The following PLBD1 variants were observed in gnomAD, a reference collection of about 807,000 sequenced individuals.
PLBD1 encodes lysosomal leucine aminopeptidase.
A neutral mutation model predicts 63.0 loss-of-function variants in PLBD1; 60 were observed. The ratio of observed to expected loss-of-function variants is 0.95; its 90% CI spans 0.77 to 1.18. The LOEUF is 1.18. Among genes scored for constraint, PLBD1 ranks in the 50% most tolerant of loss-of-function variants. The probability of loss-of-function intolerance (pLI) is 0.00; values close to 1 mark genes in which losing one functional copy is unlikely to be tolerated. For synonymous variants in PLBD1, 262 were observed against 248.0 expected, an observed-to-expected ratio of 1.06 and a Z score of -0.53; for missense variants, 598 against 677.9, an observed-to-expected ratio of 0.88 and a Z score of 1.31.
In PLBD1 at chr12:14,531,080, A is replaced by G. The variant is rs549924007; in HGVS notation, c.844+4579T>C. 94 of 152,302 alleles carry G rather than the reference A, an allele frequency of 6.2e-4. 1 individual carries two copies. Among genetic ancestry groups the G allele is most frequent in the African/African-American group, 2.2e-3 (92 of 41,552 alleles). 9.4% of individuals were successfully genotyped at this position (152,302 alleles called of 1,614,324 possible). On this transcript the variant is annotated intron_variant, in intron 6 of 10. Transcript: ENST00000240617. ...ATAAACAATTTGATTAAAAACATAT[A>G]TTTAAAAATTCATCAGTACATGTGA...
chr12:14,545,679 T>A (rs901570882), intron 2 of PLBD1, among the ~76,000 whole-genome samples: 1 of 152,242 alleles, frequency 6.6e-6, no homozygotes, highest in Non-Finnish European at 1.5e-5. Context: ...CTTCAGATAT[T>A]CTTTATCTAG....
At chr12:14,562,430 A>G (rs1945747931) in intron 1 of PLBD1, among the ~76,000 whole-genome samples, 2 of 136,312 alleles carry the variant, frequency 1.5e-5, no homozygotes. Flanking sequence ...ACTGCGGTCC[A>G]GCCTGAGTGA....
chr12:14,535,698 CTT>C lies in PLBD1; in HGVS notation c.803_804del (p.Lys268ArgfsTer5). 6.2e-7 allele frequency: 1 copy of C among 1,614,034 alleles called. No homozygotes were observed. The highest frequency in any genetic ancestry group is 8.5e-7 in the Non-Finnish European group (1 of 1,179,930). On this transcript the variant is annotated frameshift_variant, in exon 6 of 11. Transcript: ENST00000240617. LOFTEE classifies it high-confidence loss of function. ...YKHWDFNVID[K>X]DTSSSRLSFS... ...AAAGAGAGGCGACTACTGCTGGTAT[CTT>C]TATCTATGACGTTGAAGTCCCAGTG...
intron 1 of PLBD1, among the ~76,000 whole-genome samples, chr12:14,557,532 C>T (rs1189243155): frequency 2.0e-5 from 3 of 152,114 alleles, no homozygotes; most frequent in Non-Finnish European, 4.4e-5. Flanking sequence ...GAGCTGGAGG[C>T]CATTATCCTG....
intron 10 of PLBD1, 80 bp from the exon 11 acceptor site, chr12:14,504,034 CACT>C (rs1945228128): frequency 7.5e-7 from 1 of 1,334,178 alleles, no homozygotes; most frequent in East Asian, 2.4e-5. Context: ...CCCACTCTCC[CACT>C]ACCAAAGTCA....
chr12:14,515,416 A>C (rs1945329734), intron 6 of PLBD1, among the ~76,000 whole-genome samples: 1 of 152,132 alleles, frequency 6.6e-6, no homozygotes, highest in Non-Finnish European at 1.5e-5. Flanking sequence ...CTTAAAAAAA[A>C]AACAGAAATT....
intron 2 of PLBD1, among the ~76,000 whole-genome samples, chr12:14,547,212 G>GTGTGTA (rs1945623095): frequency 6.6e-6 from 1 of 151,624 alleles, no homozygotes; most frequent in Non-Finnish European, 1.5e-5. Flanking sequence ...GTGTGTGTGT[G>GTGTGTA]TGTGTGTGTG....
At chr12:14,518,206 A>G (rs1230423340) in intron 6 of PLBD1, among the ~76,000 whole-genome samples, 1 of 152,168 alleles carries the variant, frequency 6.6e-6, no homozygotes, top group Non-Finnish European at 1.5e-5. Context: ...CAAAACAGAC[A>G]AAAACAAAAT....
At chr12:14,560,940 ATAC>A (rs1945738989) in intron 1 of PLBD1, among the ~76,000 whole-genome samples, 1 of 152,036 alleles carries the variant, frequency 6.6e-6, no homozygotes, top group Non-Finnish European at 1.5e-5. Flanking sequence ...ACCTGCTCCC[ATAC>A]TACAAAGGTC....
intron 1 of PLBD1, among the ~76,000 whole-genome samples, chr12:14,566,158 C>T (rs1444859679): frequency 6.6e-6 from 1 of 152,202 alleles, no homozygotes; most frequent in Non-Finnish European, 1.5e-5. Context: ...GGACCCTCCC[C>T]AGCCTCCCCC....
At chr12:14,509,724 T>A (rs777672409) in intron 8 of PLBD1, among the ~76,000 whole-genome samples, 10 of 152,160 alleles carry the variant, frequency 6.6e-5, no homozygotes, top group Non-Finnish European at 1.2e-4. Context: ...CTGTCCCTAT[T>A]CATCTGCCAG....
At chr12:14,540,013 C>CATATATAT (rs58124579) in intron 4 of PLBD1, among the ~76,000 whole-genome samples, 3 of 22,768 alleles carry the variant, frequency 1.3e-4, no homozygotes, top group African/African-American at 2.9e-4. Flanking sequence ...AAGCTATGCA[C>CATATATAT]ATATATATAT....
intron 6 of PLBD1, among the ~76,000 whole-genome samples, chr12:14,525,786 G>T (rs1248051190): frequency 2.0e-5 from 3 of 151,766 alleles, no homozygotes; most frequent in Admixed American, 6.6e-5. Context: ...CACCATATTG[G>T]TGTATTTATA....
At chr12:14,558,094 G>A (rs1945720067) in intron 1 of PLBD1, among the ~76,000 whole-genome samples, 1 of 148,418 alleles carries the variant, frequency 6.7e-6, no homozygotes, top group African/African-American at 2.5e-5. Context: ...TGCACTAAAA[G>A]TAGAGTCTTA....
At chr12:14,535,833 G>A in intron 5 of PLBD1, 30 bp from the exon 6 acceptor site, 1 of 1,603,668 alleles carries the variant, frequency 6.2e-7, no homozygotes, top group Non-Finnish European at 8.5e-7. Context: ...GGATTACACA[G>A]ATGTACATAG....
In PLBD1 at chr12:14,567,610, TAAC is replaced by T. The variant is rs1374134612; in HGVS notation, c.84_86del (p.Leu29del). The stretch of plus-strand genomic sequence containing the variant: ...CAGGTTTCGGCGGCTCCGCGGTGAC[TAAC>T]AACAGCGGCAGCAGCAGCAGCAGCA... On this transcript the variant is annotated inframe_deletion, in exon 1 of 11. Transcript: ENST00000240617. 6.7e-7 allele frequency: 1 copy of T among 1,487,806 alleles called. No homozygotes were observed. The allele number at this position is 1,487,806 out of a possible 1,614,324, so 92.2% of individuals were successfully genotyped here.
intron 8 of PLBD1, among the ~76,000 whole-genome samples, chr12:14,507,576 T>C (rs1591992848): frequency 6.6e-6 from 1 of 152,208 alleles, no homozygotes; most frequent in Admixed American, 6.5e-5. Context: ...GCACTGGGAA[T>C]AGAAAGCCTG....
chr12:14,561,051 T>G (rs1945739593), intron 1 of PLBD1, among the ~76,000 whole-genome samples: 1 of 151,462 alleles, frequency 6.6e-6, no homozygotes, highest in Non-Finnish European at 1.5e-5. Context: ...AGGTGGAAAT[T>G]AAGAGATTTC....
chr12:14,535,697 T>G lies in PLBD1; in HGVS notation c.806A>C (p.Asp269Ala). 6.2e-7 allele frequency: 1 copy of G among 1,614,106 alleles called. No individual in the cohort carries two copies. The highest frequency in any genetic ancestry group is 8.5e-7 in the Non-Finnish European group (1 of 1,179,944). The change falls in exon 6 of 11, where the codon GAT becomes GCT. Residue 269 changes from aspartate (D) to alanine (A), a missense_variant. Physicochemically the swap from Asp to Ala is moderately radical, Grantham distance 126. Coordinates refer to ENST00000240617, the MANE Select transcript of PLBD1 (RefSeq NM_024829.6). ...KHWDFNVIDK[D>A]TSSSRLSFSS... Reference sequence around the variant, plus strand: ...GAAAGAGAGGCGACTACTGCTGGTATCTTTATCTATGACGTTGAAGTCCCA... The same window carrying G: ...GAAAGAGAGGCGACTACTGCTGGTAGCTTTATCTATGACGTTGAAGTCCCA...
Sources: gnomAD v4.1 joint callset for allele counts (sites outside exome capture counted in the v4.1 genomes callset) on GRCh38, gnomAD v4.1.1 for gene constraint, MANE v1.5 for transcripts, NCBI Gene and HGNC (gene_info 2026-07-23, HGNC 2026-07-21) for gene names.